Variants in PDE1A observed in about 807,000 individuals in gnomAD.
The protein encoded by PDE1A is phosphodiesterase 1A.
In PDE1A, 35 loss-of-function variants were observed where a neutral mutation model predicts 61.7. The ratio of observed to expected loss-of-function variants is 0.57; its 90% CI spans 0.43 to 0.75. The LOEUF is 0.75. Among genes scored for constraint, PDE1A ranks in the 30% least tolerant of loss-of-function variants. The probability of loss-of-function intolerance (pLI) is 0.00; values close to 1 mark genes in which losing one functional copy is unlikely to be tolerated. For missense variants in PDE1A, 597 were observed against 630.6 expected (o/e 0.95, Z 0.57); for synonymous variants, 232 against 213.2 (o/e 1.09, Z -0.77).
At chr2:182,541,814 AG>A in the PDE1A span, among the ~76,000 whole-genome samples, 3 of 152,198 alleles carry the variant, frequency 2.0e-5, no homozygotes, top group Non-Finnish European at 4.4e-5. Context: ...GCATGTTTGC[AG>A]GCAAATCTGC....
intron 1 of PDE1A, among the ~76,000 whole-genome samples, chr2:182,354,071 G>A (rs574870418): frequency 3.9e-5 from 6 of 152,136 alleles, no homozygotes; most frequent in East Asian, 1.9e-4. Context: ...AAGTATTCAC[G>A]TAAAGATGAT....
At chr2:182,432,822 T>G (rs1704023532) in intron 2 of PDE1A, among the ~76,000 whole-genome samples, 1 of 152,028 alleles carries the variant, frequency 6.6e-6, no homozygotes, top group African/African-American at 2.4e-5. Flanking sequence ...ATCTCCTTTA[T>G]GTCCTCTGGT....
chr2:182,299,062 T>G (rs569510063), intron 1 of PDE1A, among the ~76,000 whole-genome samples: 1 of 151,968 alleles, frequency 6.6e-6, no homozygotes, highest in Admixed American at 6.6e-5. Context: ...TGCAACACCA[T>G]AGCAAATGTG....
intron 1 of PDE1A, among the ~76,000 whole-genome samples, chr2:182,382,207 A>C (rs1430217580): frequency 6.6e-6 from 1 of 152,224 alleles, no homozygotes; most frequent in African/African-American, 2.4e-5. Flanking sequence ...CCAAGTGTTC[A>C]AATCTAATCA....
chr2:182,660,647 G>T, the PDE1A span, among the ~76,000 whole-genome samples: 8 of 152,226 alleles, frequency 5.3e-5, no homozygotes, highest in Admixed American at 5.2e-4. Flanking sequence ...TAGCCATGTT[G>T]CAAGCTGTCT....
intron 7 of PDE1A, among the ~76,000 whole-genome samples, chr2:182,211,045 A>C (rs1687549234): frequency 1.3e-5 from 2 of 152,224 alleles, no homozygotes; most frequent in African/African-American, 4.8e-5. Flanking sequence ...GCAAGAGAGC[A>C]AACCCTCTCT....
chr2:182,144,221 C>T (rs1690376059), downstream of PDE1A, among the ~76,000 whole-genome samples: 3 of 152,256 alleles, frequency 2.0e-5, no homozygotes, highest in South Asian at 6.2e-4. Flanking sequence ...CACTTTCCTC[C>T]CAGTGGGTAA....
chr2:182,335,639 A>G (rs527940397), intron 1 of PDE1A, among the ~76,000 whole-genome samples: 35 of 152,320 alleles, frequency 2.3e-4, no homozygotes, highest in African/African-American at 7.9e-4. Flanking sequence ...AAAGACTTAA[A>G]CGTAAGACCT....
rs833136 is a variant in PDE1A, at chr2:182,279,984, A to G, written c.54-15570T>C. Among the ~76,000 whole-genome samples, 630 of 152,022 alleles carry G rather than the reference A, an allele frequency of 4.1e-3. 7 individuals carry two copies. Among genetic ancestry groups the G allele is most frequent in the African/African-American group, 0.015 (607 of 41,528 alleles). Reference sequence around the variant, plus strand: ...GAATAAGGACTTAGGTGTTTTTTATATATCTGCTCCATTTTACCTTACCCT... The same window carrying G: ...GAATAAGGACTTAGGTGTTTTTTATGTATCTGCTCCATTTTACCTTACCCT... On this transcript the variant is annotated intron_variant, in intron 1 of 13. Coordinates refer to ENST00000351439, the Ensembl canonical transcript of PDE1A.
chr2:182,663,982 T>C, the PDE1A span, among the ~76,000 whole-genome samples: 67 of 152,270 alleles, frequency 4.4e-4, no homozygotes, highest in Admixed American at 4.0e-3. Context: ...AACCCTTTTA[T>C]ATAGCAAATG....
At position 182,185,777 on chromosome 2, in the gene PDE1A, C is replaced by G. The variant is rs778703063; in HGVS notation, c.1516+115G>C. The G allele has an allele frequency of 1.2e-5, 19 of 1,541,452 alleles. No homozygotes were observed. The East Asian group carries it at 1.9e-4, about 15-fold the overall frequency. ...TCAAAGAGTAGCCAAATTCCCAATA[C>G]CATCAAGGGCTTACATATTCTATAG... On this transcript the variant is annotated intron_variant, in intron 13 of 13. Transcript: ENST00000351439.
chr2:182,465,697 C>A (rs11899043), intron 2 of PDE1A, among the ~76,000 whole-genome samples: 10,429 of 152,068 alleles, frequency 0.069, 1,166 homozygotes, highest in African/African-American at 0.24. Flanking sequence ...ACTGACTTCA[C>A]GTCTGCTGAA....
chr2:182,509,772 A>G (rs1559527255), intron 2 of PDE1A, among the ~76,000 whole-genome samples: 1 of 152,238 alleles, frequency 6.6e-6, no homozygotes, highest in Admixed American at 6.5e-5. Flanking sequence ...AATGTAGTTG[A>G]TACCAAAGTT....
At chr2:182,716,432 C>CA in the PDE1A span, 1 of 152,536 alleles carries the variant, frequency 6.6e-6, no homozygotes, top group Non-Finnish European at 1.5e-5. Flanking sequence ...GGTCCGCCGC[C>CA]AGGGTTTGAG....
At chr2:182,242,895 T>C (rs28701896) in intron 2 of PDE1A, among the ~76,000 whole-genome samples, 3,884 of 71,378 alleles carry the variant, frequency 0.054, 56 homozygotes, top group African/African-American at 0.088. Context: ...TCTCTCTCTC[T>C]CTCCCTCTCT....
intron 10 of PDE1A, among the ~76,000 whole-genome samples, chr2:182,200,734 G>T (rs1284440087): frequency 6.6e-6 from 1 of 152,214 alleles, no homozygotes; most frequent in African/African-American, 2.4e-5. Flanking sequence ...CTGGTCAGAA[G>T]TGCTGGTGTC....
chr2:182,159,190 T>G (rs1197075513), intron 13 of PDE1A, among the ~76,000 whole-genome samples: 1 of 152,228 alleles, frequency 6.6e-6, no homozygotes, highest in Non-Finnish European at 1.5e-5. Flanking sequence ...TGAGAAAATT[T>G]AGGTTTACAG....
At chr2:182,588,819 G>A in the PDE1A span, among the ~76,000 whole-genome samples, 12 of 152,050 alleles carry the variant, frequency 7.9e-5, no homozygotes, top group Admixed American at 2.0e-4. Flanking sequence ...CGAGGCAGGC[G>A]GATCACCCAA....
the PDE1A span, among the ~76,000 whole-genome samples, chr2:182,581,575 C>T: frequency 6.3e-3 from 962 of 152,306 alleles, 8 homozygotes; most frequent in African/African-American, 0.022. Flanking sequence ...TTATAATTCT[C>T]TGTATCTCAC....
Sources: gnomAD v4.1 joint callset for allele counts (sites outside exome capture counted in the v4.1 genomes callset) on GRCh38, gnomAD v4.1.1 for gene constraint, MANE v1.5 for transcripts, NCBI Gene and HGNC (gene_info 2026-07-23, HGNC 2026-07-21) for gene names.